The following RGS7 variants were observed in gnomAD, a reference collection of about 807,000 sequenced individuals.
RGS7 encodes the protein regulator of G protein signaling 7, also known as regulator of G-protein signaling 7.
RGS7 carries 27 observed loss-of-function variants against 81.1 expected under a neutral mutation model. The observed-to-expected ratio is 0.33, with a 90% confidence interval of 0.25 to 0.46. The LOEUF is 0.46. Among genes scored for constraint, RGS7 ranks in the 20% least tolerant of loss-of-function variants. The pLI, the probability that RGS7 is intolerant of heterozygous loss-of-function variation, is 1.00. For missense variants in RGS7, 396 were observed against 607.4 expected (o/e 0.65, Z 3.66); for synonymous variants, 208 against 207.7 (o/e 1.00, Z -0.01).
intron 12 of RGS7, 63 bp from the exon 13 acceptor site, chr1:240,813,791 G>A (rs1690305965): frequency 9.6e-7 from 1 of 1,037,018 alleles, no homozygotes; most frequent in Admixed American, 1.8e-5. Context: ...CCAGTCCAAA[G>A]CAGGGAAAAC....
At chr1:240,863,289 C>A in intron 9 of RGS7, among the ~76,000 whole-genome samples, 1 of 152,084 alleles carries the variant, frequency 6.6e-6, no homozygotes, top group Non-Finnish European at 1.5e-5. Flanking sequence ...GCCTGGCCAA[C>A]ATGGTGAAAC....
At chr1:241,345,150 T>C (rs528119479) in intron 2 of RGS7, among the ~76,000 whole-genome samples, 4 of 152,296 alleles carry the variant, frequency 2.6e-5, no homozygotes, top group African/African-American at 9.6e-5. Context: ...AACCAAACAC[T>C]GCATGTTCTT....
At chr1:241,261,566 T>C (rs1341141334) in intron 2 of RGS7, among the ~76,000 whole-genome samples, 1 of 148,360 alleles carries the variant, frequency 6.7e-6, no homozygotes, top group Non-Finnish European at 1.5e-5. Context: ...GAGGTGGAGG[T>C]TGCAGTGAGC....
chr1:240,809,884 T>C lies in RGS7; in HGVS notation c.1082+2034A>G, dbSNP rs1572190566. On this transcript the variant is annotated intron_variant, in intron 14 of 18. Coordinates refer to ENST00000440928, the MANE Select transcript of RGS7 (RefSeq NM_001364886.1). ...TATGTGTGTATGTATATAATGTGTG[T>C]GTATATATATAAGATAATCTAATAT... Among the ~76,000 whole-genome samples the C allele has an allele frequency of 2.6e-5, 4 of 152,308 alleles. No homozygotes were observed. The South Asian group carries it at 8.3e-4, about 32-fold the overall frequency.
At chr1:240,780,766 T>G (rs905290849) in intron 18 of RGS7, among the ~76,000 whole-genome samples, 1 of 151,396 alleles carries the variant, frequency 6.6e-6, no homozygotes, top group African/African-American at 2.4e-5. Flanking sequence ...ATACAAAAAT[T>G]AGCTGGGCGT....
intron 9 of RGS7, among the ~76,000 whole-genome samples, chr1:240,860,539 C>T (rs1662012395): frequency 6.6e-6 from 1 of 152,074 alleles, no homozygotes; most frequent in South Asian, 2.1e-4. Flanking sequence ...TTCTTTTGAT[C>T]ACTGTTAACA....
intron 2 of RGS7, among the ~76,000 whole-genome samples, chr1:241,179,579 T>G (rs2103302255): frequency 6.6e-6 from 1 of 152,290 alleles, no homozygotes; most frequent in Admixed American, 6.5e-5. Flanking sequence ...ATTTACTGCA[T>G]ATTTAGTCCC....
At chr1:240,877,889 T>G (rs1343569920) in intron 6 of RGS7, among the ~76,000 whole-genome samples, 1 of 152,186 alleles carries the variant, frequency 6.6e-6, no homozygotes, top group Non-Finnish European at 1.5e-5. Flanking sequence ...GCTTTTCAAC[T>G]CTGGAGAGTC....
intron 4 of RGS7, among the ~76,000 whole-genome samples, chr1:240,978,235 G>A (rs1487193811): frequency 2.0e-5 from 3 of 152,100 alleles, no homozygotes; most frequent in African/African-American, 7.2e-5. Flanking sequence ...CAGAGACAAA[G>A]TAAATGAGAA....
At chr1:240,951,287 A>C (rs1393063998) in intron 4 of RGS7, among the ~76,000 whole-genome samples, 1 of 151,916 alleles carries the variant, frequency 6.6e-6, no homozygotes, top group Non-Finnish European at 1.5e-5. Flanking sequence ...GTGAAGAGGC[A>C]AAACAACAAT....
chr1:240,786,660 C>T (rs1473180326), intron 18 of RGS7, among the ~76,000 whole-genome samples: 3 of 152,296 alleles, frequency 2.0e-5, no homozygotes, highest in African/African-American at 7.2e-5. Flanking sequence ...AATGTGGCTA[C>T]TCTGGGCACA....
At chr1:240,971,822 T>C (rs967556936) in intron 4 of RGS7, among the ~76,000 whole-genome samples, 35 of 152,206 alleles carry the variant, frequency 2.3e-4, no homozygotes, top group African/African-American at 7.7e-4. Flanking sequence ...GTCATTTTTA[T>C]TGATCTCCTA....
intron 4 of RGS7, among the ~76,000 whole-genome samples, chr1:240,969,952 A>G (rs1251179892): frequency 6.6e-6 from 1 of 152,200 alleles, no homozygotes; most frequent in East Asian, 1.9e-4. Context: ...TGAGACTTAC[A>G]TTTTTAAATA....
At chr1:241,004,780 G>A (rs6680767) in intron 3 of RGS7, among the ~76,000 whole-genome samples, 47,424 of 151,992 alleles carry the variant, frequency 0.31, 7,897 homozygotes, top group Admixed American at 0.38. Context: ...TCTGGACTGG[G>A]GGTCTTAGGA....
chr1:240,998,689 C>T (rs552793948), intron 3 of RGS7: 9 of 1,153,296 alleles, frequency 7.8e-6, no homozygotes, highest in Admixed American at 3.5e-5. Context: ...ACATTTACAC[C>T]GGCTGCTTTA....
At chr1:241,134,390 C>T (rs1293968234) in intron 2 of RGS7, among the ~76,000 whole-genome samples, 1 of 152,218 alleles carries the variant, frequency 6.6e-6, no homozygotes, top group African/African-American at 2.4e-5. Flanking sequence ...AGCCTGAACT[C>T]TTCCAAAAGT....
chr1:240,939,680 C>T (rs899339826), intron 4 of RGS7, among the ~76,000 whole-genome samples: 2 of 152,132 alleles, frequency 1.3e-5, no homozygotes, highest in African/African-American at 2.4e-5. Context: ...CTATATGCAG[C>T]AAGCCATAAA....
At chr1:241,322,631 C>T (rs2081278492) in intron 2 of RGS7, among the ~76,000 whole-genome samples, 6 of 152,208 alleles carry the variant, frequency 3.9e-5, no homozygotes, top group Admixed American at 3.9e-4. Flanking sequence ...CATGTGTAAC[C>T]TGGGCCTTGA....
At chr1:241,180,095 C>T (rs1190469118) in intron 2 of RGS7, among the ~76,000 whole-genome samples, 1 of 151,920 alleles carries the variant, frequency 6.6e-6, no homozygotes, top group African/African-American at 2.4e-5. Context: ...AGAAAGTGGG[C>T]CGGGCGCGGT....
Sources: gnomAD v4.1 joint callset for allele counts (sites outside exome capture counted in the v4.1 genomes callset) on GRCh38, gnomAD v4.1.1 for gene constraint, MANE v1.5 for transcripts, NCBI Gene and HGNC (gene_info 2026-07-23, HGNC 2026-07-21) for gene names.